ELMO1: variants seen among roughly 807,000 people sequenced by gnomAD.
ELMO1 encodes engulfment and cell motility 1.
Under a neutral mutation model 98.9 loss-of-function variants are expected in ELMO1, and 26 were observed. The observed-to-expected ratio is 0.26, with a 90% CI of 0.19 to 0.36. The LOEUF (loss-of-function observed/expected upper bound fraction) is 0.36, where lower values mean the gene tolerates loss of function less well. Among genes scored for constraint, ELMO1 ranks in the 10% least tolerant of loss-of-function variants. The probability of loss-of-function intolerance (pLI) is 1.00; values close to 1 mark genes in which losing one functional copy is unlikely to be tolerated. For missense variants in ELMO1, 627 were observed against 935.2 expected (o/e 0.67, Z 4.30); for synonymous variants, 346 against 346.0 (o/e 1.00, Z 0.00).
At chr7:37,274,996 C>T (rs1796755736) in intron 4 of ELMO1, among the ~76,000 whole-genome samples, 1 of 152,096 alleles carries the variant, frequency 6.6e-6, no homozygotes, top group African/African-American at 2.4e-5. Flanking sequence ...TAACTCTATG[C>T]CCACGTTAAA....
At chr7:37,183,587 T>C (rs1392942998) in intron 13 of ELMO1, among the ~76,000 whole-genome samples, 3 of 152,102 alleles carry the variant, frequency 2.0e-5, no homozygotes, top group Non-Finnish European at 4.4e-5. Context: ...GGAGGTAAAC[T>C]GGAATTTTCT....
At chr7:37,323,954 T>C (rs574850634) in intron 2 of ELMO1, among the ~76,000 whole-genome samples, 3 of 152,268 alleles carry the variant, frequency 2.0e-5, no homozygotes, top group South Asian at 2.1e-4. Context: ...AAAAAAAATA[T>C]GATCACTCTC....
intron 15 of ELMO1, among the ~76,000 whole-genome samples, chr7:37,085,855 A>G (rs1181215804): frequency 2.0e-5 from 3 of 152,184 alleles, no homozygotes; most frequent in Non-Finnish European, 4.4e-5. Flanking sequence ...TTGTTTTATG[A>G]TGTTTCTCCT....
intron 5 of ELMO1, chr7:37,270,696 TC>T (rs1314650991): frequency 6.6e-6 from 1 of 152,158 alleles, no homozygotes; most frequent in Non-Finnish European, 1.5e-5. Context: ...AGAGACATCA[TC>T]AGCTACAATA....
intron 21 of ELMO1, among the ~76,000 whole-genome samples, chr7:36,857,233 A>C (rs1802267673): frequency 1.3e-5 from 2 of 152,208 alleles, no homozygotes; most frequent in African/African-American, 4.8e-5. Flanking sequence ...TTTCCGGAAG[A>C]ATTAGTGTCC....
chr7:37,417,645 C>G (rs1303186976), intron 1 of ELMO1, among the ~76,000 whole-genome samples: 1 of 150,660 alleles, frequency 6.6e-6, no homozygotes, highest in African/African-American at 2.5e-5. Flanking sequence ...GCCTGGGAGA[C>G]AGAGTAAGAC....
intron 16 of ELMO1, among the ~76,000 whole-genome samples, chr7:36,943,995 G>C (rs1787268173): frequency 6.6e-6 from 1 of 152,176 alleles, no homozygotes; most frequent in Non-Finnish European, 1.5e-5. Context: ...GAAAAGAACA[G>C]GGAGAGTAAG....
At chr7:36,872,844 T>C (rs962409296) in intron 19 of ELMO1, among the ~76,000 whole-genome samples, 2 of 152,232 alleles carry the variant, frequency 1.3e-5, no homozygotes, top group African/African-American at 4.8e-5. Context: ...CACAAGTGTC[T>C]TGTAGAAAGT....
chr7:37,041,403 C>T (rs370884594), intron 15 of ELMO1, among the ~76,000 whole-genome samples: 1 of 152,176 alleles, frequency 6.6e-6, no homozygotes, highest in Non-Finnish European at 1.5e-5. Flanking sequence ...TCTTGGCCCA[C>T]CTCACTGATC....
intron 3 of ELMO1, 59 bp downstream of exon 3, chr7:37,315,856 ATATAT>A: frequency 7.2e-7 from 1 of 1,384,888 alleles, no homozygotes; most frequent in South Asian, 1.2e-5. Flanking sequence ...CCTACTGGAA[ATATAT>A]TATTTGCTTG....
chr7:37,387,025 A>G (rs1802835593), intron 1 of ELMO1, among the ~76,000 whole-genome samples: 1 of 152,234 alleles, frequency 6.6e-6, no homozygotes, highest in Non-Finnish European at 1.5e-5. Context: ...AGCAAGAGTA[A>G]GAAACCTCTG....
intron 4 of ELMO1, among the ~76,000 whole-genome samples, chr7:37,276,615 A>T (rs1796850939): frequency 6.6e-6 from 1 of 152,228 alleles, no homozygotes; most frequent in African/African-American, 2.4e-5. Context: ...CGTCTCAAAA[A>T]ATAAAATAAA....
intron 4 of ELMO1, among the ~76,000 whole-genome samples, chr7:37,286,303 G>A (rs556743829): frequency 5.3e-5 from 8 of 152,218 alleles, no homozygotes; most frequent in Non-Finnish European, 1.2e-4. Flanking sequence ...ATAACCTGCT[G>A]TGGCATTAGC....
chr7:37,164,905 T>C (rs922803818), intron 13 of ELMO1, among the ~76,000 whole-genome samples: 10 of 151,656 alleles, frequency 6.6e-5, no homozygotes, highest in African/African-American at 1.5e-4. Flanking sequence ...GGGGATGGCA[T>C]TGAATCTATA....
At chr7:37,266,628 G>A (rs998988268) in intron 5 of ELMO1, among the ~76,000 whole-genome samples, 4 of 152,110 alleles carry the variant, frequency 2.6e-5, no homozygotes, top group African/African-American at 9.7e-5. Flanking sequence ...AGGGCATTAT[G>A]ATTCACCTCT....
intron 15 of ELMO1, among the ~76,000 whole-genome samples, chr7:37,060,060 G>T (rs35908308): frequency 0.04 from 6,027 of 152,292 alleles, 148 homozygotes; most frequent in Middle Eastern, 0.088. Context: ...TCATATCTGT[G>T]ATCACACTGA....
intron 13 of ELMO1, among the ~76,000 whole-genome samples, chr7:37,164,393 T>C (rs1789480186): frequency 6.6e-6 from 1 of 152,144 alleles, no homozygotes; most frequent in Non-Finnish European, 1.5e-5. Flanking sequence ...TTTGGTGTTT[T>C]AGACATGAAG....
intron 13 of ELMO1, among the ~76,000 whole-genome samples, chr7:37,187,277 G>A (rs1384303140): frequency 6.6e-6 from 1 of 152,138 alleles, no homozygotes; most frequent in Non-Finnish European, 1.5e-5. Context: ...AGACAACGTA[G>A]ACTAATTGGT....
intron 16 of ELMO1, among the ~76,000 whole-genome samples, chr7:36,952,398 G>A (rs1022913643): frequency 5.9e-5 from 9 of 152,206 alleles, no homozygotes; most frequent in African/African-American, 1.9e-4. Context: ...TTTAGTAAAT[G>A]CCTCCAAGAG....
Sources: allele counts gnomAD v4.1 joint callset (sites outside exome capture counted in the v4.1 genomes callset), GRCh38; gene constraint gnomAD v4.1.1; transcripts MANE v1.5; gene names NCBI Gene and HGNC (gene_info 2026-07-23, HGNC 2026-07-21).